DAB1: variants seen among roughly 807,000 people sequenced by gnomAD.
The protein encoded by DAB1 is DAB adaptor protein 1.
DAB1 carries 15 observed loss-of-function variants against 64.6 expected under a neutral mutation model. The observed-to-expected ratio is 0.23, with a 90% CI of 0.16 to 0.36. The LOEUF is 0.36. Ranked by LOEUF, DAB1 falls within the 10% of genes least tolerant of loss-of-function variation. The pLI, the probability that DAB1 is intolerant of heterozygous loss-of-function variation, is 1.00. For missense variants in DAB1, 596 were observed against 706.7 expected (o/e 0.84, Z 1.78); for synonymous variants, 235 against 251.9 (o/e 0.93, Z 0.64).
intron 3 of DAB1, among the ~76,000 whole-genome samples, chr1:58,494,114 C>T (rs1375152503): frequency 6.6e-6 from 1 of 152,196 alleles, no homozygotes; most frequent in Admixed American, 6.5e-5. Context: ...AATAATGCCA[C>T]ATGTCTACAA....
intron 4 of DAB1, among the ~76,000 whole-genome samples, chr1:58,312,774 T>A (rs1268245166): frequency 6.6e-6 from 1 of 152,170 alleles, no homozygotes; most frequent in Non-Finnish European, 1.5e-5. Flanking sequence ...ATCCCAGCTG[T>A]ACTCACTTAC....
intron 6 of DAB1, among the ~76,000 whole-genome samples, chr1:57,682,235 C>T (rs1646644552): frequency 6.6e-6 from 1 of 150,990 alleles, no homozygotes; most frequent in Non-Finnish European, 1.5e-5. Context: ...ACATAAGAAG[C>T]ACTTTAAAAA....
intron 1 of DAB1, among the ~76,000 whole-genome samples, chr1:57,297,713 G>A (rs1188478133): frequency 6.6e-6 from 1 of 152,124 alleles, no homozygotes; most frequent in Non-Finnish European, 1.5e-5. Flanking sequence ...ACAAAGCCTA[G>A]CTCAAACTCT....
chr1:58,124,265 A>T (rs999418386), intron 5 of DAB1, among the ~76,000 whole-genome samples: 1 of 151,994 alleles, frequency 6.6e-6, no homozygotes, highest in Non-Finnish European at 1.5e-5. Flanking sequence ...ATAAACTCAA[A>T]CAAAGATGGT....
At chr1:57,144,157 C>T (rs578962) in intron 3 of DAB1, among the ~76,000 whole-genome samples, 20,560 of 151,758 alleles carry the variant, frequency 0.14, 1,548 homozygotes, top group South Asian at 0.19. Flanking sequence ...TTCTTCCTTA[C>T]ATTTTTCTGT....
At chr1:57,241,151 T>C in intron 2 of DAB1, among the ~76,000 whole-genome samples, 1 of 152,200 alleles carries the variant, frequency 6.6e-6, no homozygotes, top group East Asian at 1.9e-4. Flanking sequence ...TTGGCACTGA[T>C]TAGATGCTCA....
intron 5 of DAB1, among the ~76,000 whole-genome samples, chr1:57,967,237 C>A (rs144250651): frequency 5.3e-5 from 8 of 152,016 alleles, no homozygotes; most frequent in Non-Finnish European, 8.8e-5. Flanking sequence ...TAGCACTGTC[C>A]CTAGGTGGAG....
intron 4 of DAB1, among the ~76,000 whole-genome samples, chr1:58,313,852 TGTGTGA>T (rs66912737): frequency 0.086 from 12,212 of 142,804 alleles, 555 homozygotes; most frequent in Non-Finnish European, 0.12. Context: ...TGTGTGTGTG[TGTGTGA>T]GAGAGAGAGA....
intron 9 of DAB1, among the ~76,000 whole-genome samples, chr1:57,052,581 G>C (rs1649299436): frequency 6.6e-6 from 1 of 152,186 alleles, no homozygotes; most frequent in South Asian, 2.1e-4. Flanking sequence ...CTACTATAAT[G>C]TCAAGTTATT....
At chr1:57,790,910 T>A (rs1051058367) in intron 6 of DAB1, among the ~76,000 whole-genome samples, 1 of 152,142 alleles carries the variant, frequency 6.6e-6, no homozygotes, top group African/African-American at 2.4e-5. Context: ...TGTACTCATA[T>A]GTGTGTGTGT....
intron 2 of DAB1, among the ~76,000 whole-genome samples, chr1:57,271,506 G>A (rs1009653333): frequency 5.9e-5 from 9 of 152,146 alleles, no homozygotes; most frequent in Non-Finnish European, 8.8e-5. Flanking sequence ...CCGACTTTGC[G>A]ACAGGCATCG....
intron 1 of DAB1, among the ~76,000 whole-genome samples, chr1:57,828,037 C>G (rs1232849895): frequency 6.6e-6 from 1 of 152,278 alleles, no homozygotes; most frequent in East Asian, 1.9e-4. Context: ...GCTCCGCCTC[C>G]CGGGTTCACG....
chr1:57,404,590 T>A (rs1051127615), intron 1 of DAB1, among the ~76,000 whole-genome samples: 6 of 152,188 alleles, frequency 3.9e-5, no homozygotes, highest in Admixed American at 2.6e-4. Context: ...TTTTCTCTTT[T>A]ATGCTTTTTT....
At position 57,479,981 on chromosome 1, in the gene DAB1, G is replaced by A. The variant is rs1030868737; in HGVS notation, n.625+169611C>T. ...ATCCTGGCTAACACGGTGAAACCCC[G>A]TCTCTACTAAAAATACAAAAATTAG... On this transcript the variant is annotated intron_variant and non_coding_transcript_variant, in intron 7 of 20. Transcript: ENST00000485760. 2.0e-5 allele frequency among the ~76,000 whole-genome samples: 3 copies of A among 151,694 alleles called. No individual in the cohort carries two copies. The East Asian group carries it at 5.8e-4, about 30-fold the overall frequency.
intron 4 of DAB1, among the ~76,000 whole-genome samples, chr1:57,090,949 C>A (rs1653611191): frequency 6.6e-6 from 1 of 152,126 alleles, no homozygotes. Context: ...CTACGTTGCA[C>A]ACTCCTTACG....
intron 4 of DAB1, among the ~76,000 whole-genome samples, chr1:58,251,292 G>A (rs918839388): frequency 6.6e-6 from 1 of 152,180 alleles, no homozygotes; most frequent in Non-Finnish European, 1.5e-5. Context: ...TTATGGAGAG[G>A]AGCAGAACAT....
intron 7 of DAB1, among the ~76,000 whole-genome samples, chr1:57,440,706 G>C (rs1488816960): frequency 6.6e-6 from 1 of 152,216 alleles, no homozygotes; most frequent in Non-Finnish European, 1.5e-5. Context: ...GTGCCTGTTA[G>C]GCATTGCTGT....
At chr1:58,346,064 A>G (rs1023917470) in intron 3 of DAB1, among the ~76,000 whole-genome samples, 3 of 152,120 alleles carry the variant, frequency 2.0e-5, no homozygotes, top group Admixed American at 6.5e-5. Flanking sequence ...CATCACTCAG[A>G]CCCTCCTCCA....
intron 3 of DAB1, among the ~76,000 whole-genome samples, chr1:58,383,215 G>A (rs1352136710): frequency 6.7e-6 from 1 of 149,834 alleles, no homozygotes; most frequent in African/African-American, 2.5e-5. Flanking sequence ...ACAAACTTGA[G>A]TACAGATAGG....
Sources: allele counts gnomAD v4.1 joint callset (sites outside exome capture counted in the v4.1 genomes callset), GRCh38; gene constraint gnomAD v4.1.1; transcripts MANE v1.5; gene names NCBI Gene and HGNC (gene_info 2026-07-23, HGNC 2026-07-21).